CEP95: variants seen among roughly 807,000 people sequenced by gnomAD.
CEP95 encodes centrosomal protein 95.
Under a neutral mutation model 111.2 loss-of-function variants are expected in CEP95, and 98 were observed. The ratio of observed to expected loss-of-function variants is 0.88; its 90% CI spans 0.75 to 1.04. CEP95 has a LOEUF of 1.04. Among genes scored for constraint, CEP95 ranks in the 50% least tolerant of loss-of-function variants. CEP95 has a pLI of 0.00. For missense variants in CEP95, 1,027 were observed against 977.2 expected (o/e 1.05, Z -0.68); for synonymous variants, 323 against 327.1 (o/e 0.99, Z 0.14).
chr17:64,514,768 G>C, intron 4 of CEP95: 1 of 254,768 alleles, frequency 3.9e-6, no homozygotes, highest in Non-Finnish European at 7.4e-6. Flanking sequence ...ACTTACATTT[G>C]TGACAGCCTA....
chr17:64,518,131 C>T (rs1449443078), intron 5 of CEP95, among the ~76,000 whole-genome samples: 1 of 152,228 alleles, frequency 6.6e-6, no homozygotes, highest in Non-Finnish European at 1.5e-5. Flanking sequence ...CCTGCCTCAG[C>T]CTCCCAAAGT....
intron 12 of CEP95, among the ~76,000 whole-genome samples, chr17:64,530,122 A>G (rs145177920): frequency 1.3e-5 from 2 of 152,200 alleles, no homozygotes; most frequent in Non-Finnish European, 2.9e-5. Flanking sequence ...TTTGTGAGGC[A>G]GGTGCAGTGG....
At chr17:64,513,530 AGT>A (rs1461038081) in intron 3 of CEP95, among the ~76,000 whole-genome samples, 1 of 152,162 alleles carries the variant, frequency 6.6e-6, no homozygotes, top group African/African-American at 2.4e-5. Context: ...ATGATCTATG[AGT>A]GTAAGTTATG....
intron 11 of CEP95, among the ~76,000 whole-genome samples, chr17:64,528,567 C>T (rs1287628790): frequency 6.6e-6 from 1 of 152,146 alleles, no homozygotes; most frequent in African/African-American, 2.4e-5. Context: ...TTTAAAAATA[C>T]ATCTTAGAAT....
intron 17 of CEP95, chr17:64,536,326 A>G (rs889956489): frequency 7.6e-5 from 16 of 211,776 alleles, no homozygotes; most frequent in African/African-American, 3.3e-4. Flanking sequence ...GCACATGCCT[A>G]TAGTCCCAGC....
chr17:64,537,626 G>T lies in CEP95; in HGVS notation c.2313G>T (p.Glu771Asp). ...AGACATTACATAAGGTGAAGAGGGA[G>T]CTGAGATCTAAGATGGAGAAGGAAA... ...QAQTLHKVKRELRSKMEKEIQ... is the reference protein window; with the variant it reads ...QAQTLHKVKRDLRSKMEKEIQ... Residue 771 changes from glutamate to aspartate, a missense_variant, in exon 20 of 20, where the codon GAG becomes GAT. Transcript: ENST00000556440. 2 of 1,609,760 alleles carry T rather than the reference G, an allele frequency of 1.2e-6. No homozygotes were observed. The highest frequency in any genetic ancestry group is 2.2e-5 in the East Asian group (1 of 44,720).
intron 16 of CEP95, chr17:64,534,350 C>T (rs1968496103): frequency 7.0e-6 from 3 of 429,412 alleles, no homozygotes; most frequent in Non-Finnish European, 1.3e-5. Context: ...CCCTCAGTTC[C>T]ACAGGAGTGC....
chr17:64,511,105 G>GTAA (rs1221139377), intron 3 of CEP95, among the ~76,000 whole-genome samples: 1 of 152,100 alleles, frequency 6.6e-6, no homozygotes, highest in Non-Finnish European at 1.5e-5. Flanking sequence ...ACTTCACAAG[G>GTAA]TAATAGAATA....
chr17:64,536,630 T>TAAAC lies in CEP95; in HGVS notation c.2101_2104dup (p.Ile702LysfsTer20), dbSNP rs781853228. On this transcript the variant is annotated frameshift_variant, in exon 18 of 20. Coordinates refer to ENST00000556440, the MANE Select transcript of CEP95 (RefSeq NM_138363.3). LOFTEE classifies it high-confidence loss of function. ...TTTAAGAAACTGTTTGAAGAAGGTT[T>TAAAC]AAACATTCAAAAGCAAAGATTACGA... 109 of 1,603,054 alleles carry TAAAC rather than the reference T, an allele frequency of 6.8e-5. No individual in the cohort carries two copies. The highest frequency in any genetic ancestry group is 9.1e-5 in the Non-Finnish European group (107 of 1,176,078).
chr17:64,527,852 ATG>A (rs377056119), intron 11 of CEP95, among the ~76,000 whole-genome samples: 3,231 of 132,984 alleles, frequency 0.024, 100 homozygotes, highest in African/African-American at 0.094. Flanking sequence ...GTGCCACTTA[ATG>A]TGTGTGTGTG....
At position 64,522,782 on chromosome 17, in the gene CEP95, C is replaced by T. The variant is rs782517407; in HGVS notation, c.796C>T (p.Pro266Ser). The T allele has an allele frequency of 5.0e-6, 8 of 1,613,882 alleles. No individual in the cohort carries two copies. The East Asian group carries it at 1.1e-4, about 22-fold the overall frequency. ...CCGAGCAGCTATTCCTTTACATCCA[C>T]CCTACCACCCTTCAGAGCCTCGAGC... ...PIRAAIPLHP[P>S]YHPSEPRAPC... The change falls in exon 8 of 20, where the codon CCC becomes TCC. Residue 266 changes from proline to serine, a missense_variant. Coordinates refer to ENST00000556440, the MANE Select transcript of CEP95 (RefSeq NM_138363.3).
chr17:64,508,217 C>T (rs73333917), intron 1 of CEP95: 2 of 985,172 alleles, frequency 2.0e-6, no homozygotes. Flanking sequence ...CTGGTAACCT[C>T]GGATTATCAT....
At chr17:64,529,846 G>T (rs1968136562) in intron 12 of CEP95, among the ~76,000 whole-genome samples, 3 of 152,200 alleles carry the variant, frequency 2.0e-5, no homozygotes, top group Admixed American at 2.0e-4. Context: ...GATTACCTAG[G>T]AAGACTTTCC....
chr17:64,531,801 C>T (rs147841631), intron 13 of CEP95, 89 bp from the exon 14 acceptor site: 321 of 937,382 alleles, frequency 3.4e-4, no homozygotes, highest in Non-Finnish European at 4.6e-4. Flanking sequence ...CTACCGTTAG[C>T]TGTTTTTGTC....
intron 1 of CEP95, 87 bp from the exon 2 acceptor site, chr17:64,508,505 G>C (rs1049451869): frequency 2.4e-5 from 29 of 1,229,376 alleles, no homozygotes; most frequent in African/African-American, 2.3e-4. Context: ...GTTTTTGTTG[G>C]GGGGGAGGTT....
chr17:64,529,528 A>T, intron 12 of CEP95, 101 bp downstream of exon 12: 1 of 1,228,210 alleles, frequency 8.1e-7, no homozygotes, highest in Non-Finnish European at 1.2e-6. Flanking sequence ...CTTAAAATAC[A>T]TTTAATATTC....
chr17:64,522,980 G>A (rs1193297385), intron 8 of CEP95, 85 bp downstream of exon 8: 21 of 952,136 alleles, frequency 2.2e-5, no homozygotes, highest in Middle Eastern at 6.7e-4. Context: ...TTAGAAGGCC[G>A]TGTGTGTGTA....
intron 5 of CEP95, among the ~76,000 whole-genome samples, chr17:64,518,080 T>C (rs1555676789): frequency 6.6e-6 from 1 of 152,180 alleles, no homozygotes; most frequent in Non-Finnish European, 1.5e-5. Context: ...TTTCACCGTG[T>C]TGGCAAGGCT....
chr17:64,526,933 C>T (rs1967864537), intron 10 of CEP95, 178 bp from the exon 11 acceptor site: 1 of 471,212 alleles, frequency 2.1e-6, no homozygotes, highest in Non-Finnish European at 3.8e-6. Flanking sequence ...GCACTCCAGC[C>T]TGGGTGACAG....
Sources: gnomAD v4.1 joint callset for allele counts (sites outside exome capture counted in the v4.1 genomes callset) on GRCh38, gnomAD v4.1.1 for gene constraint, MANE v1.5 for transcripts, NCBI Gene and HGNC (gene_info 2026-07-23, HGNC 2026-07-21) for gene names.